The following POLR1A variants were observed in gnomAD, a reference collection of about 807,000 sequenced individuals.
POLR1A encodes the protein RNA polymerase I subunit A.
In POLR1A, 84 loss-of-function variants were observed where a neutral mutation model predicts 205.3. The ratio of observed to expected loss-of-function variants is 0.41; its 90% CI spans 0.34 to 0.49. The LOEUF (loss-of-function observed/expected upper bound fraction) is 0.49, where lower values mean the gene tolerates loss of function less well. Ranked by LOEUF, POLR1A falls within the 20% of genes least tolerant of loss-of-function variation. The probability of loss-of-function intolerance (pLI) is 0.22; values close to 1 mark genes in which losing one functional copy is unlikely to be tolerated. For missense variants in POLR1A, 1,645 were observed against 2,204.5 expected, an observed-to-expected ratio of 0.75 and a Z score of 5.08; for synonymous variants, 799 against 863.7, an observed-to-expected ratio of 0.93 and a Z score of 1.31.
chr2:86,104,604 C>T (rs1371192693), intron 1 of POLR1A, among the ~76,000 whole-genome samples: 1 of 152,040 alleles, frequency 6.6e-6, no homozygotes, highest in Non-Finnish European at 1.5e-5. Context: ...CCCGCCACCA[C>T]GCCCAGCTAA....
chr2:86,102,669 T>C lies in POLR1A; in HGVS notation c.78-2497A>G, dbSNP rs115301284. Among the ~76,000 whole-genome samples the C allele has an allele frequency of 6.4e-3, 976 of 152,334 alleles. 10 individuals carry two copies. The highest frequency in any genetic ancestry group is 0.022 in the African/African-American group (921 of 41,572). On this transcript the variant is annotated intron_variant, in intron 1 of 33. Coordinates refer to ENST00000263857, the MANE Select transcript of POLR1A (RefSeq NM_015425.6). Reference sequence around the variant, plus strand: ...CAGCTCTATTGGGATGATTAGAAGATAACATACAGAAAATACAGTGTCAAA... The same window carrying C: ...CAGCTCTATTGGGATGATTAGAAGACAACATACAGAAAATACAGTGTCAAA...
At chr2:86,039,986 A>T (rs2104387758) in intron 25 of POLR1A, 1 of 192,966 alleles carries the variant, frequency 5.2e-6, no homozygotes, top group African/African-American at 2.3e-5. Flanking sequence ...CTTGTCCAGC[A>T]CATATATTTA....
intron 14 of POLR1A, among the ~76,000 whole-genome samples, chr2:86,063,141 G>A (rs1244145467): frequency 6.6e-6 from 1 of 152,060 alleles, no homozygotes; most frequent in Non-Finnish European, 1.5e-5. Context: ...TTCGAGCCCA[G>A]CCTGACCAAC....
At chr2:86,045,542 A>AGG (rs1672695037) in intron 20 of POLR1A, 75 bp downstream of exon 20, 2 of 1,502,700 alleles carry the variant, frequency 1.3e-6, no homozygotes, top group African/African-American at 2.8e-5. Flanking sequence ...CCTACCCTGT[A>AGG]GGGCAGTCAT....
At position 86,022,233 on chromosome 2, in the gene POLR1A, AT is replaced by A. The variant is rs1690158340; in HGVS notation, c.*5189del. On this transcript the variant is annotated 3_prime_UTR_variant, in exon 34 of 34. Transcript: ENST00000263857. ...CCTCCAGGTTTCTGCTGGAAGCATC[AT>A]CCCTTTCTTCTTTCAGGCTTTGTTG... The A allele has an allele frequency of 6.6e-6, 1 of 152,230 alleles. No individual in the cohort carries two copies. The highest frequency in any genetic ancestry group is 6.5e-5 in the Admixed American group (1 of 15,282). 9.4% of individuals were successfully genotyped at this position (152,230 alleles called of 1,614,324 possible).
chr2:86,050,393 G>T (rs1672782402), intron 16 of POLR1A, among the ~76,000 whole-genome samples: 1 of 152,246 alleles, frequency 6.6e-6, no homozygotes, highest in African/African-American at 2.4e-5. Context: ...GAAGGGGAAA[G>T]AAACAGTTCC....
intron 9 of POLR1A, 102 bp from the exon 10 acceptor site, chr2:86,078,386 C>A (rs913769539): frequency 3.3e-5 from 28 of 851,626 alleles, no homozygotes; most frequent in Non-Finnish European, 4.8e-5. Flanking sequence ...CAACTATGCA[C>A]TCTGGAGTTT....
intron 2 of POLR1A, 74 bp from the exon 3 acceptor site, chr2:86,098,834 A>G (rs1673757727): frequency 2.1e-6 from 3 of 1,437,892 alleles, no homozygotes; most frequent in African/African-American, 1.4e-5. Flanking sequence ...CGGTATACTC[A>G]CAAGTTTCTT....
intron 19 of POLR1A, 97 bp downstream of exon 19, chr2:86,047,068 G>C (rs1005584184): frequency 4.0e-6 from 3 of 751,508 alleles, no homozygotes; most frequent in African/African-American, 3.4e-5. Context: ...CTTTTTACTT[G>C]TCATGTTTTA....
rs201121092 is a variant in POLR1A, at chr2:86,039,441, C to T, written c.3762G>A (p.Val1254=). 4.3e-6 allele frequency: 7 copies of T among 1,614,168 alleles called. No homozygotes were observed. The African/African-American group carries it at 5.3e-5, about 12-fold the overall frequency. Residue 1254 remains valine, a synonymous_variant, in exon 26 of 34, where the codon GTG becomes GTA. Coordinates refer to ENST00000263857, the MANE Select transcript of POLR1A (RefSeq NM_015425.6). ...TGGGTGTCTTGATGTTGGCGCTGGC[C>T]ACCATGAGAATCTCCCGCAACCTGT... ...GIPRLREILM[V]ASANIKTPMM... is the part of the protein sequence containing the mutation.
Position 86,048,904 on chromosome 2 carries a change from A to T in POLR1A, c.2614T>A (p.Tyr872Asn). The change falls in exon 18 of 34, where the codon TAC (tyrosine) becomes AAC (asparagine). Residue 872 changes from tyrosine to asparagine, a missense_variant. Transcript: ENST00000263857. ...DLKFKEEVNH[Y>N]SNEINKACMP... ...CTAACCTTGTTAATCTCATTGCTGT[A>T]ATGGTTCACTTCCTCCTTGAACTTC... 4.3e-6 allele frequency: 7 copies of T among 1,614,062 alleles called. No individual in the cohort carries two copies. Among genetic ancestry groups the T allele is most frequent in the Non-Finnish European group, 5.1e-6 (6 of 1,179,862 alleles).
chr2:86,051,715 G>T (rs1205301638), intron 16 of POLR1A, among the ~76,000 whole-genome samples: 2 of 152,256 alleles, frequency 1.3e-5, no homozygotes, highest in African/African-American at 4.8e-5. Flanking sequence ...TGAGCCTTTG[G>T]ACAGATCTGA....
Position 86,028,752 on chromosome 2 carries a change from C to G in POLR1A, c.4780-41G>C. ...AAGGGATTTATTTAGAGGGCCTGGCCTTCTGCTCCCTTCTGCCTGCGTATC... is the reference window on the plus strand; with the variant it reads ...AAGGGATTTATTTAGAGGGCCTGGCGTTCTGCTCCCTTCTGCCTGCGTATC... On this transcript the variant is annotated intron_variant, in intron 31 of 33. Coordinates refer to ENST00000263857, the MANE Select transcript of POLR1A (RefSeq NM_015425.6). This position sits in a 1 kb window ranked among gnomAD's most constrained non-coding sequence, Gnocchi z 4.5. The G allele has an allele frequency of 2.9e-6, 4 of 1,386,770 alleles. No homozygotes were observed. The highest frequency in any genetic ancestry group is 4.1e-6 in the Non-Finnish European group (4 of 975,352). The allele number at this position is 1,386,770 out of a possible 1,614,324, so 85.9% of individuals were successfully genotyped here.
chr2:86,031,654 C>A lies in POLR1A; in HGVS notation c.4273-19G>T. ...AATCAACCTGGCAGAAAAGGGAGCA[C>A]AGGCTGTGTCACTTGGGGACCCACC... is the stretch of plus-strand genomic sequence containing the variant. On this transcript the variant is annotated intron_variant, in intron 29 of 33. Coordinates refer to ENST00000263857, the MANE Select transcript of POLR1A (RefSeq NM_015425.6). 2 of 1,594,826 alleles carry A rather than the reference C, an allele frequency of 1.3e-6. No individual in the cohort carries two copies. Among genetic ancestry groups the A allele is most frequent in the Non-Finnish European group, 8.6e-7 (1 of 1,169,236 alleles).
chr2:86,086,121 C>G (rs543796776), intron 6 of POLR1A, among the ~76,000 whole-genome samples: 10 of 152,134 alleles, frequency 6.6e-5, no homozygotes, highest in African/African-American at 1.9e-4. Context: ...TGCAATGGCA[C>G]AATCTCGGCT....
intron 16 of POLR1A, among the ~76,000 whole-genome samples, chr2:86,050,959 G>A (rs963860842): frequency 6.6e-6 from 1 of 152,180 alleles, no homozygotes; most frequent in Non-Finnish European, 1.5e-5. Context: ...CTGCCAAACA[G>A]ACTTAACTTA....
In POLR1A at chr2:86,041,350, GGTGT is replaced by G. The variant is rs145985805; in HGVS notation, c.3572+535_3572+538del. Among the ~76,000 whole-genome samples the G allele has an allele frequency of 5.7e-4, 74 of 129,944 alleles. No individual in the cohort carries two copies. In the South Asian group the frequency reaches 8.3e-3, roughly 15 times the overall value. The allele number at this position is 129,944 out of a possible 152,430, so 85.2% of individuals were successfully genotyped here. ...TTCAAATGGGAACCCAAAGCTCAAA[GGTGT>G]GTGTGTGTGTGCGCGCGCGCGCTGA... On this transcript the variant is annotated intron_variant, in intron 24 of 33. Transcript: ENST00000263857.
At chr2:86,033,286 G>C (rs1672428032) in intron 28 of POLR1A, among the ~76,000 whole-genome samples, 1 of 152,214 alleles carries the variant, frequency 6.6e-6, no homozygotes, top group Non-Finnish European at 1.5e-5. Flanking sequence ...AGTTCATCTT[G>C]CCTGGGCAAG....
chr2:86,082,374 T>A (rs182270001), intron 7 of POLR1A, among the ~76,000 whole-genome samples: 21 of 151,006 alleles, frequency 1.4e-4, no homozygotes, highest in Non-Finnish European at 2.2e-4. Flanking sequence ...AATAAAAAAA[T>A]TTTTTTTTAA....
Sources: gnomAD v4.1 joint callset for allele counts (sites outside exome capture counted in the v4.1 genomes callset) on GRCh38, gnomAD v4.1.1 for gene constraint, Gnocchi (gnomAD v3.1) non-coding constraint, MANE v1.5 for transcripts, NCBI Gene and HGNC (gene_info 2026-07-23, HGNC 2026-07-21) for gene names.